Variants in ABI2 observed in about 807,000 individuals in gnomAD.
The protein encoded by ABI2 is abelson interactor 2.
A neutral mutation model predicts 59.2 loss-of-function variants in ABI2; 25 were observed. The observed-to-expected ratio is 0.42, with a 90% CI of 0.31 to 0.59. The LOEUF (loss-of-function observed/expected upper bound fraction) is 0.59, where lower values mean the gene tolerates loss of function less well. Ranked by LOEUF, ABI2 falls within the 20% of genes least tolerant of loss-of-function variation. The probability of loss-of-function intolerance (pLI) is 0.14; values close to 1 mark genes in which losing one functional copy is unlikely to be tolerated. For missense variants in ABI2, 545 were observed against 681.8 expected (o/e 0.80, Z 2.23); for synonymous variants, 213 against 235.5 (o/e 0.90, Z 0.87).
At chr2:203,329,477 C>T (rs1398415194) in intron 1 of ABI2, among the ~76,000 whole-genome samples, 1 of 147,426 alleles carries the variant, frequency 6.8e-6, no homozygotes, top group Non-Finnish European at 1.5e-5. Context: ...GCAAAATATT[C>T]TGTGGATTAA....
chr2:203,362,609 C>G (rs2093671016), intron 1 of ABI2, among the ~76,000 whole-genome samples: 1 of 151,840 alleles, frequency 6.6e-6, no homozygotes, highest in Non-Finnish European at 1.5e-5. Context: ...TCACTGCAAC[C>G]TCTGTCTCCT....
At chr2:203,372,832 G>A (rs2095370790) in intron 2 of ABI2, among the ~76,000 whole-genome samples, 1 of 152,074 alleles carries the variant, frequency 6.6e-6, no homozygotes, top group Non-Finnish European at 1.5e-5. Flanking sequence ...CTCCCAGACG[G>A]GGTCGCGGCT....
intron 1 of ABI2, among the ~76,000 whole-genome samples, chr2:203,335,409 C>A (rs962036878): frequency 1.3e-5 from 2 of 152,170 alleles, no homozygotes; most frequent in Admixed American, 6.6e-5. Flanking sequence ...AGGCTTGTGC[C>A]ACCATGCCCA....
chr2:203,394,947 T>G, intron 6 of ABI2, 101 bp downstream of exon 6: 2 of 1,321,700 alleles, frequency 1.5e-6, no homozygotes, highest in Non-Finnish European at 2.1e-6. Flanking sequence ...TAAGTTCTTT[T>G]CCTCACTCTA....
At chr2:203,334,945 C>G (rs1333640732) in intron 1 of ABI2, among the ~76,000 whole-genome samples, 1 of 152,086 alleles carries the variant, frequency 6.6e-6, no homozygotes, top group Non-Finnish European at 1.5e-5. Flanking sequence ...ACAGCGTAAG[C>G]CACCGTGCCT....
At chr2:203,362,341 T>C (rs2093629721) in intron 1 of ABI2, among the ~76,000 whole-genome samples, 1 of 152,204 alleles carries the variant, frequency 6.6e-6, no homozygotes, top group Non-Finnish European at 1.5e-5. Flanking sequence ...TGTGAATATT[T>C]ATTTTCTTTT....
At chr2:203,350,123 C>T (rs1038083711) in intron 1 of ABI2, among the ~76,000 whole-genome samples, 3 of 152,128 alleles carry the variant, frequency 2.0e-5, no homozygotes, top group South Asian at 2.1e-4. Flanking sequence ...GTCACCTAGG[C>T]GGGAGTGCAG....
At chr2:203,387,195 G>A (rs575056431) in intron 4 of ABI2, among the ~76,000 whole-genome samples, 1 of 151,500 alleles carries the variant, frequency 6.6e-6, no homozygotes, top group Non-Finnish European at 1.5e-5. Flanking sequence ...TAGGTCATCT[G>A]TTAATGGGAG....
intron 11 of ABI2, among the ~76,000 whole-genome samples, chr2:203,426,188 T>C (rs1228924648): frequency 6.6e-6 from 1 of 152,202 alleles, no homozygotes; most frequent in South Asian, 2.1e-4. Flanking sequence ...TTGATTTATG[T>C]GAGGCACAAG....
chr2:203,361,660 C>T (rs1246219038), intron 1 of ABI2, among the ~76,000 whole-genome samples: 1 of 151,966 alleles, frequency 6.6e-6, no homozygotes, highest in Non-Finnish European at 1.5e-5. Flanking sequence ...GCAATAAAAC[C>T]AGATGAAGAA....
At position 203,328,435 on chromosome 2, in the gene ABI2, C is replaced by CTTGGCGCTG. The variant is rs2069955426; in HGVS notation, c.-80_-79insTTGGCGCTG. 1 of 1,210,988 alleles carries CTTGGCGCTG rather than the reference C, an allele frequency of 8.3e-7. No homozygotes were observed. Among genetic ancestry groups the CTTGGCGCTG allele is most frequent in the Non-Finnish European group, 1.2e-6 (1 of 851,842 alleles). 75.0% of individuals were successfully genotyped at this position (1,210,988 alleles called of 1,614,324 possible). On this transcript the variant is annotated 5_prime_UTR_variant, in exon 1 of 12. Coordinates refer to ENST00000261018, the MANE Select transcript of ABI2 (RefSeq NM_001375670.1). ...CGCCGTCGCCGCCGCTCCTCCTCTC[C>CTTGGCGCTG]CGGTCCTGGGTTTCCTTGGCGCTGC...
At chr2:203,384,275 CTT>C (rs1255432982) in intron 4 of ABI2, among the ~76,000 whole-genome samples, 2 of 78,856 alleles carry the variant, frequency 2.5e-5, no homozygotes, top group Admixed American at 1.3e-4. Context: ...GTTCCATACT[CTT>C]GTTTTTGTTT....
At chr2:203,331,391 C>CG (rs1171240999) in intron 1 of ABI2, among the ~76,000 whole-genome samples, 3 of 126,020 alleles carry the variant, frequency 2.4e-5, no homozygotes, top group Non-Finnish European at 4.8e-5. Context: ...CTCACTCTGT[C>CG]GCCCAGGCTA....
At chr2:203,416,866 T>C (rs368719356) in intron 10 of ABI2, 42 bp from the exon 11 acceptor site, 228 of 1,546,846 alleles carry the variant, frequency 1.5e-4, no homozygotes, top group Non-Finnish European at 1.9e-4. Context: ...TACTGAACTT[T>C]GCATAACATA....
chr2:203,417,889 C>T (rs2097970365), intron 11 of ABI2, among the ~76,000 whole-genome samples: 1 of 151,910 alleles, frequency 6.6e-6, no homozygotes, highest in Admixed American at 6.6e-5. Flanking sequence ...TATGTAGCTA[C>T]TATAAATACC....
intron 1 of ABI2, among the ~76,000 whole-genome samples, chr2:203,352,534 C>T (rs534556223): frequency 6.0e-5 from 9 of 149,176 alleles, no homozygotes; most frequent in African/African-American, 9.9e-5. Context: ...TAGGCTAATA[C>T]GTCTGTGTCT....
At chr2:203,382,240 G>T (rs2096181566) in intron 4 of ABI2, 34 bp downstream of exon 4, 1 of 1,514,282 alleles carries the variant, frequency 6.6e-7, no homozygotes, top group Non-Finnish European at 8.8e-7. Context: ...TCCATTCTTT[G>T]TTCTTATGTA....
At chr2:203,402,115 A>G (rs570445380) in intron 8 of ABI2, among the ~76,000 whole-genome samples, 1 of 152,080 alleles carries the variant, frequency 6.6e-6, no homozygotes, top group Non-Finnish European at 1.5e-5. Flanking sequence ...GCTCACTACA[A>G]CCTCTGCCTC....
intron 2 of ABI2, among the ~76,000 whole-genome samples, chr2:203,373,735 A>C (rs565122194): frequency 6.6e-6 from 1 of 152,356 alleles, no homozygotes; most frequent in East Asian, 1.9e-4. Context: ...ATTAGTTAGC[A>C]GGTAACAATT....
Sources: allele counts gnomAD v4.1 joint callset (sites outside exome capture counted in the v4.1 genomes callset), GRCh38; gene constraint gnomAD v4.1.1; transcripts MANE v1.5; gene names NCBI Gene and HGNC (gene_info 2026-07-23, HGNC 2026-07-21).